MSL1: variants seen among roughly 807,000 people sequenced by gnomAD.
MSL1 encodes MSL complex subunit 1.
A neutral mutation model predicts 64.6 loss-of-function variants in MSL1; 21 were observed. The ratio of observed to expected loss-of-function variants is 0.33; its 90% CI spans 0.23 to 0.47. The LOEUF is 0.47. MSL1 is among the 20% of genes least tolerant of loss of function. The pLI, the probability that MSL1 is intolerant of heterozygous loss-of-function variation, is 1.00. For missense variants in MSL1, 664 were observed against 793.2 expected (o/e 0.84, Z 1.96); for synonymous variants, 339 against 329.6 (o/e 1.03, Z -0.31).
intron 7 of MSL1, 74 bp from the exon 8 acceptor site, chr17:40,133,753 T>G: frequency 1.9e-6 from 3 of 1,611,250 alleles, no homozygotes; most frequent in Non-Finnish European, 2.5e-6. Flanking sequence ...TGAAGTGTAT[T>G]TTGGAGCAGA....
Position 40,134,781 on chromosome 17 carries a change from A to C in MSL1, c.*412A>C, listed in dbSNP as rs577220587. 1 of 164,992 alleles carries C rather than the reference A, an allele frequency of 6.1e-6. No individual in the cohort carries two copies. Among genetic ancestry groups the C allele is most frequent in the East Asian group, 1.7e-4 (1 of 5,882 alleles). The allele number at this position is 164,992 out of a possible 1,614,324, so 10.2% of individuals were successfully genotyped here. On this transcript the variant is annotated 3_prime_UTR_variant, in exon 9 of 9. Transcript: ENST00000398532. ...CTTCTCACCCTGGTACACCCTCCTT[A>C]TAGTGGGTATAGTGATTTTTAACCC...
chr17:40,126,609 C>T (rs1434815349), intron 2 of MSL1: 5 of 544,070 alleles, frequency 9.2e-6, no homozygotes, highest in East Asian at 3.1e-5. Flanking sequence ...GAGATAGAGA[C>T]CATCCTGGCC....
rs1356652604 is a variant in MSL1, at chr17:40,131,774, C to T, written c.1423+190C>T. On this transcript the variant is annotated intron_variant, in intron 4 of 8. Transcript: ENST00000398532. This position sits in a 1 kb window ranked among gnomAD's most constrained non-coding sequence, Gnocchi z 4.5. ...TGTTTTTCAGGAACTGCTATAGCAT[C>T]ATTATATGAATTGTCAGGTATTGGT... 1 of 650,076 alleles carries T rather than the reference C, an allele frequency of 1.5e-6. No individual in the cohort carries two copies. Among genetic ancestry groups the T allele is most frequent in the African/African-American group, 1.8e-5 (1 of 55,026 alleles). The allele number at this position is 650,076 out of a possible 1,614,324, so 40.3% of individuals were successfully genotyped here.
rs1988193272 is a variant in MSL1, at chr17:40,122,314, C to CTCGG, written c.-298_-295dup. 5.8e-6 allele frequency: 1 copy of CTCGG among 171,406 alleles called. No homozygotes were observed. The highest frequency in any genetic ancestry group is 1.2e-5 in the Non-Finnish European group (1 of 81,594). 10.6% of individuals were successfully genotyped at this position (171,406 alleles called of 1,614,324 possible). On this transcript the variant is annotated 5_prime_UTR_variant, in exon 1 of 9. The change abolishes the stop of an existing upstream ORF in the 5' untranslated region. Transcript: ENST00000398532. This position sits in a 1 kb window ranked among gnomAD's most constrained non-coding sequence, Gnocchi z 4.2. ...GGCCGAAGCGAGCTCCGGGGATGAGCTCGGGGGCGGCTGGGTGCGAGCTCC... is the reference window on the plus strand; with the variant it reads ...GGCCGAAGCGAGCTCCGGGGATGAGCTCGGTCGGGGGCGGCTGGGTGCGAGCTCC...
chr17:40,127,896 G>A (rs977409158), intron 2 of MSL1, among the ~76,000 whole-genome samples: 4 of 152,274 alleles, frequency 2.6e-5, no homozygotes, highest in Admixed American at 6.5e-5. Context: ...AGGCCGAGGC[G>A]GGTGGATCAC....
intron 2 of MSL1, chr17:40,126,803 T>TAA: frequency 7.0e-6 from 1 of 141,884 alleles, no homozygotes; most frequent in Non-Finnish European, 1.4e-5. Context: ...CGAGACTCCG[T>TAA]CAAAAAAAAA....
chr17:40,131,953 C>A lies in MSL1; in HGVS notation c.1424-81C>A. The stretch of plus-strand genomic sequence containing the variant: ...TCTCTTCTGGGGAGAGACCTCTTAT[C>A]CTAGTGAATAGTTGTGCAACTTTGG... On this transcript the variant is annotated intron_variant, in intron 4 of 8. Coordinates refer to ENST00000398532, the MANE Select transcript of MSL1 (RefSeq NM_001365919.1). This position sits in a 1 kb window ranked among gnomAD's most constrained non-coding sequence, Gnocchi z 4.5. 2.0e-6 allele frequency: 2 copies of A among 999,276 alleles called. No homozygotes were observed. Among genetic ancestry groups the A allele is most frequent in the Non-Finnish European group, 3.0e-6 (2 of 657,204 alleles). The allele number at this position is 999,276 out of a possible 1,614,324, so 61.9% of individuals were successfully genotyped here. A position where few individuals can be genotyped will look rare whatever the true frequency, so the allele number is the denominator to read the frequency against.
chr17:40,126,138 A>G, intron 1 of MSL1, 45 bp from the exon 2 acceptor site: 1 of 1,569,904 alleles, frequency 6.4e-7, no homozygotes. Context: ...CTGTGTGTTT[A>G]ATTTTTTATG....
intron 5 of MSL1, 21 bp from the exon 6 acceptor site, chr17:40,133,021 C>T: frequency 1.2e-6 from 2 of 1,601,668 alleles, no homozygotes; most frequent in Non-Finnish European, 1.7e-6. Context: ...AATAGCTTAT[C>T]AGCTGCTTTT....
At chr17:40,126,538 G>GCCACCACACC in intron 2 of MSL1, 132 bp downstream of exon 2, 1 of 817,772 alleles carries the variant, frequency 1.2e-6, no homozygotes, top group East Asian at 2.7e-5. Context: ...GCCGGGTGTG[G>GCCACCACACC]TGGCTCACAC....
chr17:40,124,195 T>C (rs1488942995), intron 1 of MSL1, among the ~76,000 whole-genome samples: 1 of 152,150 alleles, frequency 6.6e-6, no homozygotes, highest in African/African-American at 2.4e-5. Context: ...ATCTCTGCGT[T>C]AAAACATATT....
At position 40,123,118 on chromosome 17, in the gene MSL1, C is replaced by T; in HGVS notation, c.506C>T (p.Pro169Leu). ...AASPAATASD[P>L]AGPPPLPLPG... ...TCCCCCGCTGCCACCGCCTCGGACC[C>T]GGCGGGACCCCCACCACTACCTCTG... The change falls in exon 1 of 9, where the codon CCG becomes CTG. Residue 169 changes from proline to leucine, a missense_variant. Physicochemically the swap from Pro to Leu is moderately conservative, Grantham distance 98. Around this residue, in one of 4 missense-constraint regions of MSL1, gnomAD observed 466 missense variants for 499.0 expected, o/e 0.93. Coordinates refer to ENST00000398532, the MANE Select transcript of MSL1 (RefSeq NM_001365919.1). The T allele has an allele frequency of 6.5e-7, 1 of 1,531,544 alleles. No individual in the cohort carries two copies. The highest frequency in any genetic ancestry group is 8.7e-7 in the Non-Finnish European group (1 of 1,144,980). 94.9% of individuals were successfully genotyped at this position (1,531,544 alleles called of 1,614,324 possible).
In MSL1 at chr17:40,122,701, C is replaced by A. The variant is rs1438718529; in HGVS notation, c.89C>A (p.Ala30Glu). The change falls in exon 1 of 9, where the codon GCG (alanine) becomes GAG (glutamate). Residue 30 changes from alanine to glutamate, a missense_variant. Coordinates refer to ENST00000398532, the MANE Select transcript of MSL1 (RefSeq NM_001365919.1). The surrounding 1 kb of genome is among the most constrained non-coding windows in gnomAD (Gnocchi z 4.2). ...CGACTGGACTACGAGCGGGCTGCGG[C>A]GCTGGGCGGGCCCGAGGACGAGCCT... ...EQRLDYERAA[A>E]LGGPEDEPGA... 8.8e-6 allele frequency: 13 copies of A among 1,484,136 alleles called. No homozygotes were observed. The highest frequency in any genetic ancestry group is 1.1e-5 in the Non-Finnish European group (12 of 1,124,716). The allele number at this position is 1,484,136 out of a possible 1,614,324, so 91.9% of individuals were successfully genotyped here.
At position 40,132,225 on chromosome 17, in the gene MSL1, AT is replaced by A. The variant is rs1988451096; in HGVS notation, c.1488+129del. The A allele has an allele frequency of 1.2e-5, 8 of 649,746 alleles. No individual in the cohort carries two copies. In the South Asian group the frequency reaches 1.6e-4, roughly 13 times the overall value. The allele number at this position is 649,746 out of a possible 1,614,324, so 40.2% of individuals were successfully genotyped here. A position where few individuals can be genotyped will look rare whatever the true frequency, so the allele number is the denominator to read the frequency against. ...TTAAGGCCAGACAGAAACTTGAGAAATTATCTAGTCCAGCTCCTTCATTTTA... is the reference window on the plus strand; with the variant it reads ...TTAAGGCCAGACAGAAACTTGAGAAATATCTAGTCCAGCTCCTTCATTTTA... On this transcript the variant is annotated intron_variant, in intron 5 of 8. Coordinates refer to ENST00000398532, the MANE Select transcript of MSL1 (RefSeq NM_001365919.1).
chr17:40,129,576 T>C lies in MSL1; in HGVS notation c.1324T>C (p.Ser442Pro), dbSNP rs1988398916. The change falls in exon 3 of 9, where the codon TCA (serine) becomes CCA (proline). Residue 442 changes from serine (S) to proline (P), a missense_variant. Coordinates refer to ENST00000398532, the MANE Select transcript of MSL1 (RefSeq NM_001365919.1). ...GTGTCGTTGGCACCAGCCTCCCCCATCACCGTTACCATTACGGGAATCCTC... is the reference window on the plus strand; with the variant it reads ...GTGTCGTTGGCACCAGCCTCCCCCACCACCGTTACCATTACGGGAATCCTC... ...YLCRWHQPPP[S>P]PLPLRESSPK... 6.2e-7 allele frequency: 1 copy of C among 1,613,186 alleles called. No homozygotes were observed. Among genetic ancestry groups the C allele is most frequent in the South Asian group, 1.1e-5 (1 of 91,032 alleles).
chr17:40,122,628 G>C lies in MSL1; in HGVS notation c.16G>C (p.Ala6Pro). The C allele has an allele frequency of 6.7e-7, 1 of 1,485,082 alleles. No individual in the cohort carries two copies. Among genetic ancestry groups the C allele is most frequent in the Non-Finnish European group, 8.9e-7 (1 of 1,125,028 alleles). The allele number at this position is 1,485,082 out of a possible 1,614,324, so 92.0% of individuals were successfully genotyped here. A position where few individuals can be genotyped will look rare whatever the true frequency, so the allele number is the denominator to read the frequency against. The change falls in exon 1 of 9, where the codon GCG becomes CCG. Residue 6 changes from alanine to proline, a missense_variant. Coordinates refer to ENST00000398532, the MANE Select transcript of MSL1 (RefSeq NM_001365919.1). This position sits in a 1 kb window ranked among gnomAD's most constrained non-coding sequence, Gnocchi z 4.2. ...CCGGACCACTATGACCATGAGATCC[G>C]CGGTGTTCAAGGCGGCCGCGGCCCC... MTMRS[A>P]VFKAAAAPAG...
At chr17:40,132,956 G>C in intron 5 of MSL1, 86 bp from the exon 6 acceptor site, 1 of 1,311,952 alleles carries the variant, frequency 7.6e-7, no homozygotes, top group Admixed American at 2.0e-5. Flanking sequence ...AAGATTTTAC[G>C]TTCCTGGAAG....
Position 40,122,851 on chromosome 17 carries a change from G to A in MSL1, c.239G>A (p.Gly80Asp), listed in dbSNP as rs1292024500. The A allele has an allele frequency of 1.4e-6, 2 of 1,388,488 alleles. No homozygotes were observed. The highest frequency in any genetic ancestry group is 1.8e-6 in the Non-Finnish European group (2 of 1,081,498). 86.0% of individuals were successfully genotyped at this position (1,388,488 alleles called of 1,614,324 possible). A position where few individuals can be genotyped will look rare whatever the true frequency, so the allele number is the denominator to read the frequency against. ...GCCGGCTGCGGCGGCAAGGGCCGGG[G>A]CTTGTTACTCCCGGCCGGGGCGGCC... ...SPAGCGGKGR[G>D]LLLPAGAAPG... The change falls in exon 1 of 9, where the codon GGC becomes GAC. Residue 80 changes from glycine (G) to aspartate (D), a missense_variant. Physicochemically the swap from Gly to Asp is moderately conservative, Grantham distance 94. Transcript: ENST00000398532. This position sits in a 1 kb window ranked among gnomAD's most constrained non-coding sequence, Gnocchi z 4.2.
chr17:40,131,562 A>G lies in MSL1; in HGVS notation c.1401A>G (p.Ala467=). 1 of 1,613,762 alleles carries G rather than the reference A, an allele frequency of 6.2e-7. No homozygotes were observed. The change falls in exon 4 of 9, where the codon GCA becomes GCG. Residue 467 remains alanine (A), a synonymous_variant. Coordinates refer to ENST00000398532, the MANE Select transcript of MSL1 (RefSeq NM_001365919.1). This position sits in a 1 kb window ranked among gnomAD's most constrained non-coding sequence, Gnocchi z 4.5. ...GGTGTCTGATGCCATCAAGTGTTGC[A>G]GGAGAAACTTCAGTCTTGGCTGGTG... ...VARCLMPSSV[A]GETSVLAVPS...
Sources: allele counts gnomAD v4.1 joint callset (sites outside exome capture counted in the v4.1 genomes callset), GRCh38; gene constraint gnomAD v4.1.1; regional missense constraint gnomAD v4.1.1; non-coding constraint Gnocchi (gnomAD v3.1); transcripts MANE v1.5; gene names NCBI Gene and HGNC (gene_info 2026-07-23, HGNC 2026-07-21).